Variants in ANXA8 observed in about 807,000 individuals in gnomAD.
The protein encoded by ANXA8 is VAC-beta.
In ANXA8, 9 loss-of-function variants were observed where a neutral mutation model predicts 26.8. The ratio of observed to expected loss-of-function variants is 0.34; its 90% CI spans 0.20 to 0.59. The LOEUF (loss-of-function observed/expected upper bound fraction) is 0.59. Among genes scored for constraint, ANXA8 ranks in the 20% least tolerant of loss-of-function variants. ANXA8 has a pLI of 0.84. For synonymous variants in ANXA8, 39 were observed against 94.8 expected (o/e 0.41, Z 3.42); for missense variants, 83 against 238.5 (o/e 0.35, Z 4.29).
chr10:47,647,874 G>A, the ANXA8 span, among the ~76,000 whole-genome samples: 91 of 152,048 alleles, frequency 6.0e-4, no homozygotes, highest in African/African-American at 2.0e-3. Flanking sequence ...TAACAACACT[G>A]TGGAAAGCAA....
the ANXA8 span, among the ~76,000 whole-genome samples, chr10:47,943,968 C>T: frequency 2.7e-5 from 4 of 147,916 alleles, no homozygotes; most frequent in Non-Finnish European, 1.5e-5. Context: ...GAACCTGCAG[C>T]CCCTGGGGCA....
chr10:47,503,713 C>A, the ANXA8 span, among the ~76,000 whole-genome samples: 1 of 113,448 alleles, frequency 8.8e-6, no homozygotes, highest in Non-Finnish European at 1.7e-5. Flanking sequence ...ATCACGAGGT[C>A]AGGAGTTCAA....
At chr10:47,585,263 CAAAAAAAAAAAAAAA>C in the ANXA8 span, among the ~76,000 whole-genome samples, 1 of 43,582 alleles carries the variant, frequency 2.3e-5, no homozygotes, top group Admixed American at 4.0e-4. Context: ...GACTCCATCT[CAAAAAAAAAAAAAAA>C]AAAAAAAAAA....
chr10:47,595,605 T>C, the ANXA8 span, among the ~76,000 whole-genome samples: 1 of 148,714 alleles, frequency 6.7e-6, no homozygotes, highest in Non-Finnish European at 1.5e-5. Flanking sequence ...AGAGCAGGAG[T>C]TTCTATTCTC....
chr10:47,496,046 G>A, the ANXA8 span, among the ~76,000 whole-genome samples: 1 of 151,680 alleles, frequency 6.6e-6, no homozygotes, highest in East Asian at 1.9e-4. Context: ...ATCTGGGAAA[G>A]GAGGCTGGCA....
At chr10:47,659,401 C>T in the ANXA8 span, among the ~76,000 whole-genome samples, 4 of 151,342 alleles carry the variant, frequency 2.6e-5, no homozygotes, top group African/African-American at 4.9e-5. Context: ...TGTTTTAGGC[C>T]GGGCGCGGTG....
chr10:47,553,183 T>C, the ANXA8 span: 1 of 151,958 alleles, frequency 6.6e-6, no homozygotes, highest in Non-Finnish European at 1.5e-5. Context: ...AAAAGCACAA[T>C]TTGGGGTCAA....
At chr10:47,689,201 A>G in the ANXA8 span, among the ~76,000 whole-genome samples, 1 of 150,938 alleles carries the variant, frequency 6.6e-6, no homozygotes, top group African/African-American at 2.4e-5. Flanking sequence ...TTTTTTTGAG[A>G]TGGAGTCTCA....
the ANXA8 span, among the ~76,000 whole-genome samples, chr10:47,733,221 C>CTTTTCTTTT: frequency 5.2e-5 from 3 of 58,190 alleles, no homozygotes; most frequent in African/African-American, 1.9e-4. Flanking sequence ...TTCTTTCTTT[C>CTTTTCTTTT]TCTTTCTTTC....
chr10:47,484,845 C>T (rs1323574827), upstream of ANXA8: 4 of 463,314 alleles, frequency 8.6e-6, no homozygotes, highest in African/African-American at 6.3e-5. Flanking sequence ...CTCTGAACCC[C>T]TCTCTGCTTC....
chr10:47,958,044 G>C, the ANXA8 span, among the ~76,000 whole-genome samples: 1 of 150,402 alleles, frequency 6.6e-6, no homozygotes, highest in Non-Finnish European at 1.5e-5. Context: ...CAGGAGTTTG[G>C]ACCCAGACCA....
the ANXA8 span, among the ~76,000 whole-genome samples, chr10:47,596,513 C>T: frequency 6.8e-6 from 1 of 147,280 alleles, no homozygotes; most frequent in Non-Finnish European, 1.5e-5. Flanking sequence ...GAAAGTGTAA[C>T]CAAAATTGAT....
chr10:47,549,179 T>C, the ANXA8 span: 1 of 642,336 alleles, frequency 1.6e-6, no homozygotes, highest in Non-Finnish European at 2.8e-6. Context: ...ACATCTACTA[T>C]ATCCCTGATA....
chr10:47,649,937 A>T, the ANXA8 span, among the ~76,000 whole-genome samples: 1 of 150,844 alleles, frequency 6.6e-6, no homozygotes, highest in Non-Finnish European at 1.5e-5. Flanking sequence ...GGCCAGGCAC[A>T]GTGCTCACTC....
chr10:47,748,106 G>A, the ANXA8 span, among the ~76,000 whole-genome samples: 2 of 152,156 alleles, frequency 1.3e-5, no homozygotes. Flanking sequence ...AGAAGGAACA[G>A]TTAAATAAAT....
chr10:47,687,899 C>T, the ANXA8 span, among the ~76,000 whole-genome samples: 3 of 151,610 alleles, frequency 2.0e-5, no homozygotes, highest in Non-Finnish European at 2.9e-5. Context: ...CAGGAGTTTG[C>T]GACCAGCCTG....
chr10:47,497,028 AT>A, the ANXA8 span, among the ~76,000 whole-genome samples: 2 of 150,762 alleles, frequency 1.3e-5, no homozygotes, highest in South Asian at 2.1e-4. Context: ...AAACGTTAAA[AT>A]TTTTTTTCAG....
intron 7 of ANXA8, 67 bp downstream of exon 7, chr10:47,474,878 T>A (rs1482832517): frequency 2.0e-6 from 3 of 1,516,972 alleles, no homozygotes; most frequent in African/African-American, 2.9e-5. Flanking sequence ...AAAGCCCCCG[T>A]GGGCAGAGGA....
At chr10:47,977,681 A>C in the ANXA8 span, among the ~76,000 whole-genome samples, 7 of 151,572 alleles carry the variant, frequency 4.6e-5, no homozygotes, top group Non-Finnish European at 1.0e-4. Context: ...CTGAAATAAA[A>C]AATTATTAAC....
Sources: gnomAD v4.1 joint callset for allele counts (sites outside exome capture counted in the v4.1 genomes callset) on GRCh38, gnomAD v4.1.1 for gene constraint, MANE v1.5 for transcripts, NCBI Gene and HGNC (gene_info 2026-07-23, HGNC 2026-07-21) for gene names.